The following EPG5 variants were observed in gnomAD, a reference collection of about 807,000 sequenced individuals.
The protein encoded by EPG5 is ectopic P-granules 5 autophagy tethering factor.
Under a neutral mutation model 302.7 loss-of-function variants are expected in EPG5, and 159 were observed. That is an observed-to-expected ratio of 0.53 (90% CI 0.46 to 0.60). The LOEUF (loss-of-function observed/expected upper bound fraction) is 0.60, where lower values mean the gene tolerates loss of function less well. EPG5 is among the 20% of genes least tolerant of loss of function. EPG5 has a pLI of 0.00. For synonymous variants in EPG5, 1,158 were observed against 1,136.8 expected (o/e 1.02, Z -0.37); for missense variants, 2,896 against 3,092.4 (o/e 0.94, Z 1.51).
chr18:45,954,376 G>C lies in EPG5; in HGVS notation c.1008+18C>G, dbSNP rs753721246. ...TAGCAGCTCCGCTGCAAATTCCCCA[G>C]GCTTCTGATCAAAATACCTGTACAG... On this transcript the variant is annotated intron_variant, in intron 2 of 43. Coordinates refer to ENST00000282041, the MANE Select transcript of EPG5 (RefSeq NM_020964.3). 6.4e-7 allele frequency: 1 copy of C among 1,565,168 alleles called. No individual in the cohort carries two copies. Among genetic ancestry groups the C allele is most frequent in the Non-Finnish European group, 8.6e-7 (1 of 1,157,932 alleles).
chr18:45,869,169 T>C (rs535012778), intron 36 of EPG5, among the ~76,000 whole-genome samples: 8 of 152,308 alleles, frequency 5.3e-5, no homozygotes, highest in Admixed American at 5.2e-4. Flanking sequence ...AAATAAAACA[T>C]GGCTACTCAT....
At chr18:45,879,661 G>A (rs950796512) in intron 32 of EPG5, among the ~76,000 whole-genome samples, 4 of 152,210 alleles carry the variant, frequency 2.6e-5, no homozygotes, top group Admixed American at 6.5e-5. Flanking sequence ...GAGCCACCGC[G>A]CCAGGCCATC....
intron 35 of EPG5, among the ~76,000 whole-genome samples, chr18:45,873,672 C>T (rs749947851): frequency 1.1e-4 from 16 of 152,110 alleles, no homozygotes; most frequent in Non-Finnish European, 2.2e-4. Flanking sequence ...ATGTGTTACT[C>T]ATTGAACCAC....
chr18:45,807,243 G>C, the EPG5 span, among the ~76,000 whole-genome samples: 1 of 152,130 alleles, frequency 6.6e-6, no homozygotes, highest in Non-Finnish European at 1.5e-5. Flanking sequence ...AGGAGAGTCT[G>C]TGCTTAGACA....
chr18:45,928,922 T>C lies in EPG5; in HGVS notation c.2500A>G (p.Ile834Val). ...LGTITAVHPE[I>V]ISVLLDRVQE... is the part of the protein sequence containing the mutation. ...ACTCTATCCAGAAGGACGGAAATTA[T>C]CTCAGGGTGAACAGCTGTGATAGTC... is the stretch of plus-strand genomic sequence containing the variant. The change falls in exon 13 of 44, where the codon ATA becomes GTA. Residue 834 changes from isoleucine to valine, a missense_variant. This residue lies in a region of EPG5 where 1,390 missense variants were observed against 1,430.0 expected (regional missense o/e 0.97). Transcript: ENST00000282041. The C allele has an allele frequency of 6.2e-7, 1 of 1,614,034 alleles. No homozygotes were observed. Among genetic ancestry groups the C allele is most frequent in the Middle Eastern group, 1.6e-4 (1 of 6,062 alleles).
chr18:45,925,660 T>TA, intron 14 of EPG5, 78 bp downstream of exon 14: 1 of 1,148,414 alleles, frequency 8.7e-7, no homozygotes, highest in Non-Finnish European at 1.2e-6. Flanking sequence ...TCAGAAATGT[T>TA]AGTGTTTTGA....
intron 10 of EPG5, among the ~76,000 whole-genome samples, chr18:45,937,454 T>C (rs976356155): frequency 1.3e-5 from 2 of 152,228 alleles, no homozygotes; most frequent in Admixed American, 1.3e-4. Context: ...CTGCTGAGGC[T>C]GGAGTACAGT....
Position 45,916,117 on chromosome 18 carries a change from G to C in EPG5, c.3474C>G (p.Leu1158=). Residue 1158 remains leucine (L), a synonymous_variant, in exon 19 of 44, where the codon CTC becomes CTG. Transcript: ENST00000282041. The stretch of plus-strand genomic sequence containing the variant: ...AGAGGATAGGTTGTTCTCGGTACCA[G>C]AGATGCTGGCTTATGAGAGCCTGAA... The part of the protein sequence containing the change: ...FWVQALISQH[L]WYREQPILFL... 1 of 1,614,182 alleles carries C rather than the reference G, an allele frequency of 6.2e-7. No homozygotes were observed. Among genetic ancestry groups the C allele is most frequent in the Non-Finnish European group, 8.5e-7 (1 of 1,180,024 alleles).
At position 45,917,717 on chromosome 18, in the gene EPG5, T is replaced by C. The variant is rs1568153152; in HGVS notation, c.3201A>G (p.Leu1067=). The part of the protein sequence containing the change: ...VVHVLDKILP[L]FYPCQYYLLK... ...GAAGGTAATACTGGCAAGGGTAAAATAAAGGCAGAATCTTATCCAGGACAT... is the reference window on the plus strand; with the variant it reads ...GAAGGTAATACTGGCAAGGGTAAAACAAAGGCAGAATCTTATCCAGGACAT... The change falls in exon 17 of 44, where the codon TTA becomes TTG. Residue 1067 remains leucine (L), a synonymous_variant. Coordinates refer to ENST00000282041, the MANE Select transcript of EPG5 (RefSeq NM_020964.3). 14 of 1,614,146 alleles carry C rather than the reference T, an allele frequency of 8.7e-6. No homozygotes were observed. The highest frequency in any genetic ancestry group is 1.2e-5 in the Non-Finnish European group (14 of 1,179,988).
At chr18:45,895,497 T>A (rs1458455916) in intron 27 of EPG5, among the ~76,000 whole-genome samples, 1 of 152,134 alleles carries the variant, frequency 6.6e-6, no homozygotes, top group African/African-American at 2.4e-5. Context: ...CTAAAGACCA[T>A]TCACAGACCC....
rs1312825565 is a variant in EPG5, at chr18:45,934,876, C to T, written c.2190G>A (p.Val730=). 3.7e-6 allele frequency: 6 copies of T among 1,614,056 alleles called. No homozygotes were observed. The highest frequency in any genetic ancestry group is 2.2e-5 in the East Asian group (1 of 44,894). ...LWKLFYLMHQ[V]ESENLQQLSS... is the part of the protein sequence containing the mutation. ...AGAGCTGCTGCAGGTTCTCGCTCTCCACCTGGTGCATGAGGTAGAAGAGCT... is the reference window on the plus strand; with the variant it reads ...AGAGCTGCTGCAGGTTCTCGCTCTCTACCTGGTGCATGAGGTAGAAGAGCT... The change falls in exon 11 of 44, where the codon GTG becomes GTA. Residue 730 remains valine (V), a synonymous_variant. Transcript: ENST00000282041.
chr18:45,933,597 G>A (rs902847920), intron 11 of EPG5, among the ~76,000 whole-genome samples: 3 of 151,780 alleles, frequency 2.0e-5, no homozygotes, highest in Admixed American at 2.0e-4. Flanking sequence ...AGAATCACTT[G>A]AGCCCGGGAG....
the EPG5 span, chr18:45,837,637 C>T: frequency 6.6e-7 from 1 of 1,507,414 alleles, no homozygotes; most frequent in South Asian, 1.2e-5. Flanking sequence ...CGCTGACGGC[C>T]ATCTGGCGCG....
chr18:45,817,496 A>G, the EPG5 span, among the ~76,000 whole-genome samples: 1 of 152,236 alleles, frequency 6.6e-6, no homozygotes, highest in Admixed American at 6.5e-5. Flanking sequence ...AACTTAGCTG[A>G]GTGGCTGGGC....
At chr18:45,846,464 T>C (rs895419741), downstream of EPG5, among the ~76,000 whole-genome samples, 1 of 125,102 alleles carries the variant, frequency 8.0e-6, no homozygotes, top group African/African-American at 3.2e-5. Flanking sequence ...AAGGTTGCAG[T>C]GGGCCGAGAT....
intron 39 of EPG5, 41 bp downstream of exon 39, chr18:45,865,574 C>A: frequency 1.9e-6 from 3 of 1,605,696 alleles, no homozygotes; most frequent in Non-Finnish European, 2.6e-6. Flanking sequence ...AGCAGGAATG[C>A]ATTGACTGAA....
Position 45,896,137 on chromosome 18 carries a change from C to A in EPG5, c.4809+3267G>T, listed in dbSNP as rs147668279. Among the ~76,000 whole-genome samples the A allele has an allele frequency of 2.1e-3, 315 of 152,374 alleles. 1 individual carries two copies. Among genetic ancestry groups the A allele is most frequent in the African/African-American group, 7.2e-3 (300 of 41,592 alleles). ...CAAATACCGCCTGGGATAGCCTCAA[C>A]TAGCAACAACAGTACTATATAACTT... On this transcript the variant is annotated intron_variant, in intron 27 of 43. Transcript: ENST00000282041.
At chr18:45,876,483 T>C (rs2048973723) in intron 34 of EPG5, 141 bp from the exon 35 acceptor site, 1 of 603,686 alleles carries the variant, frequency 1.7e-6, no homozygotes, top group Non-Finnish European at 2.9e-6. Context: ...TAAAAGGCTG[T>C]AAATAACTGC....
chr18:45,940,578 T>C lies in EPG5; in HGVS notation c.1944-823A>G, dbSNP rs147246192. ...TAGATTCTGGAAGGAGCATGTTTCA[T>C]TGATTCAAAAGGATGCATGTCTTTC... is the stretch of plus-strand genomic sequence containing the variant. On this transcript the variant is annotated intron_variant, in intron 9 of 43. Transcript: ENST00000282041. 2.6e-3 allele frequency among the ~76,000 whole-genome samples: 395 copies of C among 152,340 alleles called. 4 individuals are homozygous for C. Among genetic ancestry groups the C allele is most frequent in the African/African-American group, 9.2e-3 (381 of 41,562 alleles).
Sources: gnomAD v4.1 joint callset for allele counts (sites outside exome capture counted in the v4.1 genomes callset) on GRCh38, gnomAD v4.1.1 for gene constraint, gnomAD v4.1.1 regional missense constraint, MANE v1.5 for transcripts, NCBI Gene and HGNC (gene_info 2026-07-23, HGNC 2026-07-21) for gene names.